The following HDAC9 variants were observed in gnomAD, a reference collection of about 807,000 sequenced individuals.
The protein encoded by HDAC9 is MEF-2 interacting transcription repressor (MITR) protein.
Under a neutral mutation model 139.4 loss-of-function variants are expected in HDAC9, and 41 were observed. The ratio of observed to expected loss-of-function variants is 0.29; its 90% CI spans 0.23 to 0.38. The LOEUF (loss-of-function observed/expected upper bound fraction) is 0.38. Among genes scored for constraint, HDAC9 ranks in the 10% least tolerant of loss-of-function variants. The pLI is 1.00. For missense variants in HDAC9, 1,147 were observed against 1,297.0 expected (o/e 0.88, Z 1.78); for synonymous variants, 517 against 476.2 (o/e 1.09, Z -1.12).
In HDAC9 at chr7:18,589,145, A is replaced by T. The variant is rs1830257011; in HGVS notation, c.265-1191A>T. On this transcript the variant is annotated intron_variant, in intron 3 of 25. Coordinates refer to ENST00000686413, the MANE Select transcript of HDAC9 (RefSeq NM_178425.4). ...TAAGGAGAACTCAAGGTCTTTAGTTACTCCTCAGTGTGCACATTTACTATA... is the reference window on the plus strand; with the variant it reads ...TAAGGAGAACTCAAGGTCTTTAGTTTCTCCTCAGTGTGCACATTTACTATA... 3.3e-5 allele frequency among the ~76,000 whole-genome samples: 5 copies of T among 151,878 alleles called. No individual in the cohort carries two copies. The South Asian group carries it at 1.0e-3, about 32-fold the overall frequency.
intron 22 of HDAC9, among the ~76,000 whole-genome samples, chr7:18,932,848 A>AAAAAGAAAGAAAGAAAGAAAGAAAG (rs1554405267): frequency 7.2e-6 from 1 of 138,204 alleles, no homozygotes; most frequent in Non-Finnish European, 1.5e-5. Flanking sequence ...AGGAAGGAAA[A>AAAAAGAAAGAAAGAAAGAAAGAAAG]AAAGAAAGAA....
chr7:18,736,447 G>C (rs186062168), intron 13 of HDAC9, among the ~76,000 whole-genome samples: 461 of 152,248 alleles, frequency 3.0e-3, no homozygotes, highest in Non-Finnish European at 4.9e-3. Flanking sequence ...AGCATGAAGG[G>C]CTGTTGAATT....
At chr7:18,422,342 A>G (rs1056580636) in intron 1 of HDAC9, among the ~76,000 whole-genome samples, 13 of 152,224 alleles carry the variant, frequency 8.5e-5, no homozygotes, top group Admixed American at 1.3e-4. Context: ...AGAAAGGAGA[A>G]GATATTGGCA....
At chr7:18,813,127 C>T (rs1794310388) in intron 17 of HDAC9, among the ~76,000 whole-genome samples, 1 of 142,570 alleles carries the variant, frequency 7.0e-6, no homozygotes. Flanking sequence ...ATTTGTGAGT[C>T]TGTTTCTATT....
intron 1 of HDAC9, among the ~76,000 whole-genome samples, chr7:18,093,296 T>G (rs1183472071): frequency 2.0e-5 from 3 of 152,196 alleles, no homozygotes; most frequent in African/African-American, 7.2e-5. Flanking sequence ...AATCCAGGTC[T>G]GATTCCAGAG....
intron 11 of HDAC9, among the ~76,000 whole-genome samples, chr7:18,661,887 T>G (rs967889677): frequency 2.0e-5 from 3 of 152,182 alleles, no homozygotes; most frequent in African/African-American, 7.2e-5. Context: ...TTATATATAC[T>G]GTCATATGCA....
intron 2 of HDAC9, among the ~76,000 whole-genome samples, chr7:18,552,294 T>G (rs944821338): frequency 3.9e-5 from 6 of 152,198 alleles, no homozygotes; most frequent in African/African-American, 1.4e-4. Flanking sequence ...TTCCTTTTTT[T>G]TGAGCCTGCA....
At chr7:18,454,149 A>G (rs1205643871) in intron 1 of HDAC9, among the ~76,000 whole-genome samples, 1 of 152,174 alleles carries the variant, frequency 6.6e-6, no homozygotes, top group Non-Finnish European at 1.5e-5. Context: ...AAAAAGATCT[A>G]GGAATTGTCC....
At chr7:18,593,533 T>G (rs902851594) in intron 5 of HDAC9, among the ~76,000 whole-genome samples, 3 of 152,172 alleles carry the variant, frequency 2.0e-5, no homozygotes, top group African/African-American at 7.2e-5. Flanking sequence ...ATGTTTACTA[T>G]TACCTTGATT....
chr7:18,669,964 T>G (rs1795566968), intron 12 of HDAC9, among the ~76,000 whole-genome samples: 1 of 151,948 alleles, frequency 6.6e-6, no homozygotes, highest in Non-Finnish European at 1.5e-5. Context: ...TATGCTCCTT[T>G]TTTTCAAAGG....
At chr7:18,720,641 G>T (rs1404734822) in intron 12 of HDAC9, among the ~76,000 whole-genome samples, 1 of 149,190 alleles carries the variant, frequency 6.7e-6, no homozygotes, top group East Asian at 1.9e-4. Flanking sequence ...AAAAAAAAAT[G>T]TGTTACCAAA....
Position 18,135,295 on chromosome 7 carries a change from C to CTTTTT in HDAC9, c.-96-26928_-96-26924dup, listed in dbSNP as rs201182077. ...TTAAAAAGGTAGTATTTACCATATTCTTTTTTTTTTCTTTTTTTTATTATA... is the reference window on the plus strand; with the variant it reads ...TTAAAAAGGTAGTATTTACCATATTCTTTTTTTTTTTTTTTCTTTTTTTTATTATA... On this transcript the variant is annotated intron_variant, in intron 1 of 12. Transcript: ENST00000417496. Among the ~76,000 whole-genome samples the CTTTTT allele has an allele frequency of 1.1e-4, 14 of 128,124 alleles. No homozygotes were observed. The South Asian group carries it at 3.5e-3, about 32-fold the overall frequency. 84.1% of individuals were successfully genotyped at this position (128,124 alleles called of 152,430 possible).
At chr7:18,369,032 A>G (rs917467559) in intron 1 of HDAC9, among the ~76,000 whole-genome samples, 1 of 152,092 alleles carries the variant, frequency 6.6e-6, no homozygotes, top group Admixed American at 6.6e-5. Context: ...GTGCTTTCAC[A>G]TTATTTATGT....
At chr7:18,732,481 GTA>G (rs1313972987) in intron 13 of HDAC9, among the ~76,000 whole-genome samples, 16 of 132,532 alleles carry the variant, frequency 1.2e-4, no homozygotes, top group Admixed American at 6.0e-4. Flanking sequence ...TATATACAGT[GTA>G]TATATGTGTA....
chr7:18,875,327 T>C (rs182939647), intron 22 of HDAC9, among the ~76,000 whole-genome samples: 46 of 152,066 alleles, frequency 3.0e-4, no homozygotes, highest in African/African-American at 1.0e-3. Context: ...TATTTAAAAA[T>C]AGAAGAAAAA....
chr7:18,169,559 C>T (rs1361600126), intron 2 of HDAC9, among the ~76,000 whole-genome samples: 1 of 151,980 alleles, frequency 6.6e-6, no homozygotes, highest in Non-Finnish European at 1.5e-5. Context: ...TTGCTGCACC[C>T]ATTAACTCAT....
intron 1 of HDAC9, among the ~76,000 whole-genome samples, chr7:18,434,548 G>A (rs1398343673): frequency 6.6e-6 from 1 of 151,830 alleles, no homozygotes; most frequent in Non-Finnish European, 1.5e-5. Context: ...AAATTAACAG[G>A]CAAAAAACAA....
At chr7:18,526,024 C>A (rs1021587911) in intron 2 of HDAC9, among the ~76,000 whole-genome samples, 1 of 152,104 alleles carries the variant, frequency 6.6e-6, no homozygotes, top group Non-Finnish European at 1.5e-5. Context: ...TTGTTCTGCA[C>A]CAGATGAAAG....
intron 2 of HDAC9, chr7:18,509,294 T>A (rs1800723489): frequency 2.0e-6 from 2 of 985,246 alleles, no homozygotes; most frequent in Admixed American, 1.2e-4. Flanking sequence ...TTCTGCCTTG[T>A]GGAAGGGGTG....
Sources: allele counts gnomAD v4.1 joint callset (sites outside exome capture counted in the v4.1 genomes callset), GRCh38; gene constraint gnomAD v4.1.1; transcripts MANE v1.5; gene names NCBI Gene and HGNC (gene_info 2026-07-23, HGNC 2026-07-21).